Variants in SNX8 observed in about 807,000 individuals in gnomAD.
The protein encoded by SNX8 is sorting nexin-8.
In SNX8, 25 loss-of-function variants were observed where a neutral mutation model predicts 51.6. The ratio of observed to expected loss-of-function variants is 0.48; its 90% CI spans 0.35 to 0.68. The LOEUF is 0.68. Ranked by LOEUF, SNX8 falls within the 30% of genes least tolerant of loss-of-function variation. The pLI is 0.00. For missense variants in SNX8, 695 were observed against 624.0 expected, an observed-to-expected ratio of 1.11 and a Z score of -1.21; for synonymous variants, 324 against 277.0, an observed-to-expected ratio of 1.17 and a Z score of -1.68.
intron 7 of SNX8, 147 bp from the exon 8 acceptor site, chr7:2,257,950 GCC>G: frequency 1.5e-6 from 1 of 688,996 alleles, no homozygotes; most frequent in Non-Finnish European, 2.5e-6. Context: ...TCTGCAGGGG[GCC>G]CCCTTCCCCA....
chr7:2,290,752 G>A (rs561556878), intron 1 of SNX8, among the ~76,000 whole-genome samples: 5 of 152,280 alleles, frequency 3.3e-5, no homozygotes, highest in Admixed American at 2.6e-4. Context: ...CTGACACAAA[G>A]AGAACGTAGT....
chr7:2,257,576 C>T (rs756661052), intron 8 of SNX8, 62 bp from the exon 9 acceptor site: 1 of 1,589,484 alleles, frequency 6.3e-7, no homozygotes. Context: ...CCCTGCGGAG[C>T]CGGCCGAGGG....
intron 1 of SNX8, among the ~76,000 whole-genome samples, chr7:2,290,548 A>C (rs931570056): frequency 3.3e-5 from 5 of 152,224 alleles, no homozygotes; most frequent in African/African-American, 7.2e-5. Context: ...CCCAGCACAT[A>C]ATAGATGCTA....
At chr7:2,323,143 A>C (rs1306539410) in intron 1 of SNX8, among the ~76,000 whole-genome samples, 1 of 152,114 alleles carries the variant, frequency 6.6e-6, no homozygotes, top group Admixed American at 6.6e-5. Flanking sequence ...CAGCCCGGCC[A>C]ATACGGTGAA....
At chr7:2,281,889 A>C (rs1795914692) in intron 1 of SNX8, among the ~76,000 whole-genome samples, 1 of 152,134 alleles carries the variant, frequency 6.6e-6, no homozygotes. Context: ...ATGCCCTGAT[A>C]CTACAGCAAC....
chr7:2,285,602 C>T (rs1796009642), intron 1 of SNX8, among the ~76,000 whole-genome samples: 1 of 152,140 alleles, frequency 6.6e-6, no homozygotes, highest in Admixed American at 6.6e-5. Flanking sequence ...ACCCATGATC[C>T]TCTCATGCCC....
chr7:2,335,374 C>T (rs777763795), intron 1 of SNX8, among the ~76,000 whole-genome samples: 10 of 151,784 alleles, frequency 6.6e-5, no homozygotes, highest in Non-Finnish European at 1.5e-4. Context: ...GCTAGCCGGG[C>T]GTGGTGGCTC....
intron 1 of SNX8, among the ~76,000 whole-genome samples, chr7:2,304,280 C>T (rs1796491177): frequency 6.6e-6 from 1 of 152,078 alleles, no homozygotes; most frequent in African/African-American, 2.4e-5. Context: ...CACGGCAGCT[C>T]ACGCCTGGAA....
intron 1 of SNX8, among the ~76,000 whole-genome samples, chr7:2,339,818 G>A (rs1778889696): frequency 1.3e-5 from 2 of 152,134 alleles, no homozygotes; most frequent in South Asian, 4.1e-4. Context: ...ATAAGAACAC[G>A]TAGATTTATT....
intron 1 of SNX8, among the ~76,000 whole-genome samples, chr7:2,308,273 G>C (rs911289848): frequency 6.6e-6 from 1 of 151,956 alleles, no homozygotes; most frequent in African/African-American, 2.4e-5. Context: ...TTTCTGGAGA[G>C]AGCCAGAATT....
At chr7:2,302,799 G>A (rs1203813223) in intron 1 of SNX8, among the ~76,000 whole-genome samples, 7 of 150,214 alleles carry the variant, frequency 4.7e-5, no homozygotes, top group East Asian at 2.0e-4. Context: ...CCGCGACCTC[G>A]TCTGGGAGGT....
intron 1 of SNX8, among the ~76,000 whole-genome samples, chr7:2,310,786 T>A (rs1414626007): frequency 6.6e-6 from 1 of 151,560 alleles, no homozygotes; most frequent in African/African-American, 2.4e-5. Flanking sequence ...AATAAATAAA[T>A]AAAAATAAAA....
chr7:2,262,177 A>G (rs1015466229), intron 7 of SNX8, among the ~76,000 whole-genome samples: 4 of 152,132 alleles, frequency 2.6e-5, no homozygotes, highest in Non-Finnish European at 5.9e-5. Context: ...AGCTGGGACT[A>G]CAGACACGCA....
At chr7:2,320,894 C>T (rs985654034) in intron 1 of SNX8, among the ~76,000 whole-genome samples, 1 of 152,074 alleles carries the variant, frequency 6.6e-6, no homozygotes, top group African/African-American at 2.4e-5. Flanking sequence ...GTGGTGGGTG[C>T]CTGTAATCCC....
At chr7:2,309,265 T>A (rs1166453302) in intron 1 of SNX8, among the ~76,000 whole-genome samples, 1 of 152,102 alleles carries the variant, frequency 6.6e-6, no homozygotes. Flanking sequence ...ATCACCCCTG[T>A]AATCCCAGCA....
intron 2 of SNX8, among the ~76,000 whole-genome samples, chr7:2,276,600 C>T (rs563329834): frequency 2.0e-5 from 3 of 147,218 alleles, no homozygotes; most frequent in Non-Finnish European, 3.0e-5. Flanking sequence ...CCCAGGAGTT[C>T]GAGACCAGCT....
chr7:2,298,442 T>G (rs973482447), intron 1 of SNX8, among the ~76,000 whole-genome samples: 4 of 151,978 alleles, frequency 2.6e-5, no homozygotes, highest in African/African-American at 9.7e-5. Flanking sequence ...CAATCTCGGC[T>G]CTCTGCAACC....
chr7:2,266,102 G>A (rs1324432981), intron 5 of SNX8, among the ~76,000 whole-genome samples: 1 of 152,200 alleles, frequency 6.6e-6, no homozygotes, highest in Non-Finnish European at 1.5e-5. Flanking sequence ...AGAGGACAGA[G>A]CAAGACCTTG....
chr7:2,303,557 T>C (rs370581141), intron 1 of SNX8, among the ~76,000 whole-genome samples: 1 of 152,192 alleles, frequency 6.6e-6, no homozygotes, highest in Admixed American at 6.5e-5. Context: ...ATGGTTGCCG[T>C]GTCTGTGTAG....
Sources: gnomAD v4.1 joint callset for allele counts (sites outside exome capture counted in the v4.1 genomes callset) on GRCh38, gnomAD v4.1.1 for gene constraint, MANE v1.5 for transcripts, NCBI Gene and HGNC (gene_info 2026-07-23, HGNC 2026-07-21) for gene names.